The following MSTO1 variants were observed in gnomAD, a reference collection of about 807,000 sequenced individuals.
MSTO1 encodes misato mitochondrial distribution and morphology regulator 1, also known as protein misato homolog 1.
MSTO1 carries 24 observed loss-of-function variants against 55.7 expected under a neutral mutation model. That is an observed-to-expected ratio of 0.43 (90% confidence interval 0.31 to 0.61). The LOEUF is 0.61. Ranked by LOEUF, MSTO1 falls within the 20% of genes least tolerant of loss-of-function variation. The pLI is 0.09. For missense variants in MSTO1, 363 were observed against 625.7 expected, an observed-to-expected ratio of 0.58 and a Z score of 4.48; for synonymous variants, 162 against 252.8, an observed-to-expected ratio of 0.64 and a Z score of 3.41.
the MSTO1 span, among the ~76,000 whole-genome samples, chr1:155,573,892 C>T: frequency 2.6e-5 from 4 of 151,226 alleles, no homozygotes; most frequent in African/African-American, 9.7e-5. Context: ...GCTAGGCAAT[C>T]GTATCCTGTT....
the MSTO1 span, among the ~76,000 whole-genome samples, chr1:155,593,967 TAA>T: frequency 7.2e-6 from 1 of 138,664 alleles, no homozygotes; most frequent in Admixed American, 7.2e-5. Context: ...AGACTCCGTC[TAA>T]AAAAAAAAAA....
chr1:155,613,057 A>T lies in MSTO1; in HGVS notation c.1107A>T (p.Thr369=). The T allele has an allele frequency of 6.2e-7, 1 of 1,613,722 alleles. No homozygotes were observed. ...MLSFCGKKVV[T]AGAIIPFPLA... is the part of the protein sequence containing the mutation. ...CTCTTCCATCTCTTTAGGTGGTGAC[A>T]GCAGGAGCAATCATCCCTTTCCCCT... The change falls in exon 11 of 14, where the codon ACA becomes ACT. Residue 369 remains threonine (T), a synonymous_variant. Transcript: ENST00000245564.
upstream of MSTO1, among the ~76,000 whole-genome samples, chr1:155,607,022 T>C (rs577595963): frequency 1.3e-5 from 2 of 151,028 alleles, no homozygotes; most frequent in African/African-American, 2.4e-5. Flanking sequence ...TTAGTAGAGA[T>C]GGGGTTTCAC....
At chr1:155,563,625 C>T in the MSTO1 span, 1 of 455,894 alleles carries the variant, frequency 2.2e-6, no homozygotes, top group East Asian at 6.9e-5. Context: ...GTTAGACAGC[C>T]TGGTGATGGA....
chr1:155,586,776 C>A, the MSTO1 span: 1 of 428,248 alleles, frequency 2.3e-6, no homozygotes, highest in South Asian at 1.8e-5. Flanking sequence ...TTAACTCAGT[C>A]TTGCTCTGTC....
At chr1:155,563,306 A>T in the MSTO1 span, 13 of 455,768 alleles carry the variant, frequency 2.9e-5, no homozygotes, top group South Asian at 1.1e-4. Flanking sequence ...TCGCCTAGTC[A>T]GGAGAACTAG....
chr1:155,597,903 G>A, the MSTO1 span, among the ~76,000 whole-genome samples: 3 of 151,294 alleles, frequency 2.0e-5, no homozygotes, highest in Non-Finnish European at 2.9e-5. Context: ...TGCAGCCTCT[G>A]CCTCCTGGGT....
upstream of MSTO1, chr1:155,609,874 T>G: frequency 4.5e-6 from 1 of 224,540 alleles, no homozygotes; most frequent in South Asian, 7.8e-5. Context: ...CCCGGGGAGC[T>G]ATCAGCCAGC....
At chr1:155,606,854 A>G (rs1345784243), upstream of MSTO1, among the ~76,000 whole-genome samples, 2 of 151,794 alleles carry the variant, frequency 1.3e-5, no homozygotes, top group African/African-American at 2.4e-5. Flanking sequence ...TTATTTTTTG[A>G]GACAGAGTCT....
the MSTO1 span, among the ~76,000 whole-genome samples, chr1:155,568,346 G>A: frequency 2.6e-5 from 4 of 151,976 alleles, 1 homozygote; most frequent in African/African-American, 9.6e-5. Flanking sequence ...CCAGAGTGCT[G>A]AGATTACAGG....
the MSTO1 span, among the ~76,000 whole-genome samples, chr1:155,581,100 A>G: frequency 6.6e-6 from 1 of 152,096 alleles, no homozygotes; most frequent in African/African-American, 2.4e-5. Flanking sequence ...TAAGGCAACT[A>G]TTTGGGATTT....
At chr1:155,573,987 G>C in the MSTO1 span, among the ~76,000 whole-genome samples, 1 of 152,122 alleles carries the variant, frequency 6.6e-6, no homozygotes, top group Non-Finnish European at 1.5e-5. Context: ...TAAAGGGTGG[G>C]TAATATGTTG....
chr1:155,590,983 C>T, the MSTO1 span: 2 of 1,613,970 alleles, frequency 1.2e-6, no homozygotes, highest in African/African-American at 2.7e-5. Flanking sequence ...GACCAGCAAG[C>T]CGAACAGGGC....
the MSTO1 span, among the ~76,000 whole-genome samples, chr1:155,595,371 A>C: frequency 5.3e-5 from 8 of 151,614 alleles, no homozygotes; most frequent in Admixed American, 3.3e-4. Context: ...GTGGAGACGG[A>C]GTTTCACTGC....
chr1:155,598,838 C>A, the MSTO1 span: 3 of 1,397,778 alleles, frequency 2.1e-6, no homozygotes, highest in South Asian at 1.2e-5. Context: ...GAGAAGGGAA[C>A]CGGAAAAACA....
the MSTO1 span, among the ~76,000 whole-genome samples, chr1:155,565,884 TC>T: frequency 6.6e-6 from 1 of 152,184 alleles, no homozygotes; most frequent in African/African-American, 2.4e-5. Context: ...AATAATGGTT[TC>T]CCCAAGGATA....
At chr1:155,596,591 C>T in the MSTO1 span, among the ~76,000 whole-genome samples, 1 of 152,006 alleles carries the variant, frequency 6.6e-6, no homozygotes, top group Admixed American at 6.6e-5. Flanking sequence ...TCAAGACTAG[C>T]CTGGGCAACA....
In MSTO1 at chr1:155,612,440, G is replaced by C. The variant is rs563943670; in HGVS notation, c.836G>C (p.Arg279Pro). Residue 279 changes from arginine to proline, a missense_variant, in exon 9 of 14, where the codon CGT (arginine) becomes CCT (proline). Arg to Pro is a moderately radical substitution (Grantham distance 103). Coordinates refer to ENST00000245564, the MANE Select transcript of MSTO1 (RefSeq NM_018116.4). ...HRGEAQRNIYRLLNTAFGLVH... is the reference protein window; with the variant it reads ...HRGEAQRNIYPLLNTAFGLVH... Reference sequence around the variant, plus strand: ...CAGGAGGCCCAGAGAAACATCTATCGTCTATTAAACACAGCTTTTGGTCTC... The same window carrying C: ...CAGGAGGCCCAGAGAAACATCTATCCTCTATTAAACACAGCTTTTGGTCTC... The C allele has an allele frequency of 6.2e-7, 1 of 1,613,510 alleles. No individual in the cohort carries two copies. Among genetic ancestry groups the C allele is most frequent in the Non-Finnish European group, 8.5e-7 (1 of 1,179,744 alleles).
At chr1:155,590,445 C>T in the MSTO1 span, among the ~76,000 whole-genome samples, 1 of 152,152 alleles carries the variant, frequency 6.6e-6, no homozygotes, top group African/African-American at 2.4e-5. Context: ...TCTGAGTCAT[C>T]TTCTTGGTTC....
Sources: gnomAD v4.1 joint callset for allele counts (sites outside exome capture counted in the v4.1 genomes callset) on GRCh38, gnomAD v4.1.1 for gene constraint, MANE v1.5 for transcripts, NCBI Gene and HGNC (gene_info 2026-07-23, HGNC 2026-07-21) for gene names.